The following TPO variants were observed in gnomAD, a reference collection of about 807,000 sequenced individuals.
TPO encodes the protein thyroid peroxidase.
TPO carries 78 observed loss-of-function variants against 96.9 expected under a neutral mutation model. The ratio of observed to expected loss-of-function variants is 0.81; its 90% CI spans 0.67 to 0.97. TPO has a LOEUF of 0.97. Among genes scored for constraint, TPO ranks in the 50% least tolerant of loss-of-function variants. TPO has a pLI of 0.00. For synonymous variants in TPO, 547 were observed against 538.0 expected (o/e 1.02, Z -0.23); for missense variants, 1,252 against 1,274.8 (o/e 0.98, Z 0.27).
intron 15 of TPO, among the ~76,000 whole-genome samples, chr2:1,531,373 CTCT>C: frequency 1.3e-5 from 1 of 76,822 alleles, no homozygotes; most frequent in Non-Finnish European, 2.4e-5. Context: ...ATCCTCCCGA[CTCT>C]GTGCAACCTC....
intron 1 of TPO, among the ~76,000 whole-genome samples, chr2:1,402,566 C>T (rs911990132): frequency 3.9e-5 from 6 of 152,044 alleles, no homozygotes; most frequent in African/African-American, 1.2e-4. Context: ...TTAATGGGCT[C>T]ACAATTTCAT....
chr2:1,411,274 G>T (rs1011066681), upstream of TPO, among the ~76,000 whole-genome samples: 1 of 152,112 alleles, frequency 6.6e-6, no homozygotes, highest in Non-Finnish European at 1.5e-5. Context: ...TCAAATGATA[G>T]ATACATTTCT....
At chr2:1,436,922 C>G (rs1194746483) in intron 5 of TPO, among the ~76,000 whole-genome samples, 2 of 152,212 alleles carry the variant, frequency 1.3e-5, no homozygotes, top group Admixed American at 1.3e-4. Context: ...CACCCTCCTT[C>G]TCAACTCCTC....
intron 2 of TPO, among the ~76,000 whole-genome samples, chr2:1,421,252 C>A (rs1308622941): frequency 6.6e-6 from 1 of 152,044 alleles, no homozygotes; most frequent in Non-Finnish European, 1.5e-5. Context: ...CTCTGTAAAA[C>A]CATCCTAAGA....
chr2:1,382,555 C>T (rs969110776), intron 1 of TPO, among the ~76,000 whole-genome samples: 1 of 152,124 alleles, frequency 6.6e-6, no homozygotes, highest in Admixed American at 6.5e-5. Flanking sequence ...AAAGCATTGC[C>T]TTTGCCACAG....
At chr2:1,532,652 C>T (rs1483495355) in intron 15 of TPO, among the ~76,000 whole-genome samples, 1 of 32,364 alleles carries the variant, frequency 3.1e-5, no homozygotes, top group Admixed American at 4.0e-4. Flanking sequence ...CCCCAAACCC[C>T]CCCAACTGTG....
intron 15 of TPO, among the ~76,000 whole-genome samples, chr2:1,535,162 A>C (rs1219389481): frequency 1.7e-4 from 1 of 6,010 alleles, no homozygotes; most frequent in African/African-American, 5.5e-4. Context: ...CCCCCCCCCC[A>C]TTGTGGGCAA....
At chr2:1,432,856 C>CT (rs1418783219) in intron 3 of TPO, among the ~76,000 whole-genome samples, 3 of 150,918 alleles carry the variant, frequency 2.0e-5, no homozygotes, top group Middle Eastern at 3.4e-3. Flanking sequence ...GAGGGGAGGC[C>CT]CCAGATGAGG....
chr2:1,381,973 TGTG>T (rs1284255610), intron 1 of TPO, among the ~76,000 whole-genome samples: 1 of 152,164 alleles, frequency 6.6e-6, no homozygotes, highest in East Asian at 1.9e-4. Flanking sequence ...AGCTGTAAAT[TGTG>T]GTTGCTTTCA....
intron 11 of TPO, among the ~76,000 whole-genome samples, chr2:1,495,011 T>C (rs950932136): frequency 6.6e-6 from 1 of 152,184 alleles, no homozygotes; most frequent in Non-Finnish European, 1.5e-5. Context: ...CTCTGGGACA[T>C]GGGAAGCCAC....
chr2:1,452,924 A>ATGATTT (rs1667438696), intron 5 of TPO, among the ~76,000 whole-genome samples: 2 of 152,186 alleles, frequency 1.3e-5, no homozygotes, highest in Admixed American at 1.3e-4. Context: ...AATATTCAAC[A>ATGATTT]CACCTTTACC....
In TPO at chr2:1,493,810, G is replaced by A. The variant is rs1031249675; in HGVS notation, c.1777G>A (p.Glu593Lys). Residue 593 changes from glutamate to lysine, a missense_variant, in exon 11 of 17, where the codon GAG (glutamate) becomes AAG (lysine). Glu to Lys is a moderately conservative substitution (Grantham distance 56). Coordinates refer to ENST00000329066, the MANE Select transcript of TPO (RefSeq NM_001206744.2). ...GRDHGLPGYN[E>K]WREFCGLPRL... ...GCCTCTCCCCTGTGCAGGTTACAAT[G>A]AGTGGAGGGAGTTCTGCGGCCTGCC... is the stretch of plus-strand genomic sequence containing the variant. The A allele has an allele frequency of 6.2e-7, 1 of 1,614,158 alleles. No homozygotes were observed. The highest frequency in any genetic ancestry group is 1.7e-5 in the Admixed American group (1 of 60,018).
intron 1 of TPO, among the ~76,000 whole-genome samples, chr2:1,386,733 T>C (rs1036000248): frequency 2.9e-4 from 44 of 152,200 alleles, no homozygotes; most frequent in African/African-American, 4.8e-4. Flanking sequence ...TTTTGTTATG[T>C]GTGAATTTGA....
intron 5 of TPO, among the ~76,000 whole-genome samples, chr2:1,450,069 C>T: frequency 6.6e-6 from 1 of 152,190 alleles, no homozygotes; most frequent in East Asian, 1.9e-4. Flanking sequence ...ATCCCGTGTC[C>T]CGCTGCTGCC....
chr2:1,455,668 G>C (rs1454563886), intron 6 of TPO, among the ~76,000 whole-genome samples: 1 of 152,202 alleles, frequency 6.6e-6, no homozygotes, highest in Non-Finnish European at 1.5e-5. Context: ...ACTCCCTTAG[G>C]CTTCAAGGCC....
At chr2:1,476,775 G>GC (rs1445873526) in intron 7 of TPO, among the ~76,000 whole-genome samples, 1 of 151,982 alleles carries the variant, frequency 6.6e-6, no homozygotes, top group Non-Finnish European at 1.5e-5. Context: ...CAGTGAGCAG[G>GC]CTGAGGGGAG....
chr2:1,459,847 CAG>C (rs1182765178), intron 7 of TPO, among the ~76,000 whole-genome samples: 1 of 152,206 alleles, frequency 6.6e-6, no homozygotes, highest in African/African-American at 2.4e-5. Flanking sequence ...CCCTGGGAGA[CAG>C]GGGGCCCCTT....
chr2:1,515,443 G>C (rs143039825), intron 14 of TPO, among the ~76,000 whole-genome samples: 115 of 152,338 alleles, frequency 7.5e-4, no homozygotes, highest in African/African-American at 2.6e-3. Flanking sequence ...GAGCCCAGGA[G>C]GAAAAGTCAT....
rs1185270735 is a variant in TPO at position 1,496,751 on chromosome 2, C to T, written c.2372C>T (p.Pro791Leu). ...TCTQEGWDFQPPLCKDVNECA... is the reference protein window; with the variant it reads ...TCTQEGWDFQLPLCKDVNECA... Reference sequence around the variant, plus strand: ...ACCCAGGAAGGATGGGATTTCCAGCCTCCCCTCTGCAAAGGTCAGTCCTTT... The same window carrying T: ...ACCCAGGAAGGATGGGATTTCCAGCTTCCCCTCTGCAAAGGTCAGTCCTTT... The change falls in exon 13 of 17, where the codon CCT becomes CTT. Residue 791 changes from proline (P) to leucine (L), a missense_variant. By Grantham distance (98) the Pro-to-Leu change is moderately conservative. Coordinates refer to ENST00000329066, the MANE Select transcript of TPO (RefSeq NM_001206744.2). The T allele has an allele frequency of 3.1e-6, 5 of 1,614,030 alleles. No homozygotes were observed. In the South Asian group the frequency reaches 5.5e-5, roughly 18 times the overall value.
Sources: allele counts gnomAD v4.1 joint callset (sites outside exome capture counted in the v4.1 genomes callset), GRCh38; gene constraint gnomAD v4.1.1; transcripts MANE v1.5; gene names NCBI Gene and HGNC (gene_info 2026-07-23, HGNC 2026-07-21).